Variants in TUBG1 observed in about 807,000 individuals in gnomAD.
TUBG1 encodes the protein tubulin gamma-1 chain.
Under a neutral mutation model 53.3 loss-of-function variants are expected in TUBG1, and 22 were observed. That is an observed-to-expected ratio of 0.41 (90% CI 0.29 to 0.59). TUBG1 has a LOEUF of 0.59. TUBG1 is among the 20% of genes least tolerant of loss of function. The probability of loss-of-function intolerance (pLI) is 0.26; values close to 1 mark genes in which losing one functional copy is unlikely to be tolerated. For synonymous variants in TUBG1, 198 were observed against 236.7 expected (o/e 0.84, Z 1.50); for missense variants, 217 against 598.9 (o/e 0.36, Z 6.66).
chr17:42,613,636 T>C lies in TUBG1; in HGVS notation c.607-11T>C, dbSNP rs1467789483. ...TCCCCATTGATCTGTGATCCTCTTC[T>C]GTCCCCCCAGGTGGTGCTGGACAAC... On this transcript the variant is annotated splice_polypyrimidine_tract_variant and intron_variant, in intron 6 of 10. Transcript: ENST00000251413. 2 of 1,614,152 alleles carry C rather than the reference T, an allele frequency of 1.2e-6. No individual in the cohort carries two copies. The highest frequency in any genetic ancestry group is 8.5e-7 in the Non-Finnish European group (1 of 1,180,030).
At chr17:42,612,000 T>C in intron 3 of TUBG1, 75 bp from the exon 4 acceptor site, 3 of 1,394,354 alleles carry the variant, frequency 2.2e-6, no homozygotes, top group Non-Finnish European at 3.1e-6. Context: ...ATAAGGAGAA[T>C]TGAGGGTGGC....
intron 1 of TUBG1, 38 bp downstream of exon 1, chr17:42,609,824 T>C (rs377611040): frequency 1.3e-6 from 2 of 1,546,238 alleles, no homozygotes; most frequent in Admixed American, 2.0e-5. Context: ...GCCAGGTTCC[T>C]TAGGGTCAAT....
In TUBG1 at chr17:42,614,445, C is replaced by G. The variant is rs2052060897; in HGVS notation, c.996+33C>G. 1 of 1,614,046 alleles carries G rather than the reference C, an allele frequency of 6.2e-7. No homozygotes were observed. The highest frequency in any genetic ancestry group is 1.7e-5 in the Admixed American group (1 of 60,004). ...AGGCCCCTTCATCCCACACCCTGGACCTGCAGGGGTAGAGGAGAGGCCACC... is the reference window on the plus strand; with the variant it reads ...AGGCCCCTTCATCCCACACCCTGGAGCTGCAGGGGTAGAGGAGAGGCCACC... On this transcript the variant is annotated intron_variant, in intron 9 of 10. Coordinates refer to ENST00000251413, the MANE Select transcript of TUBG1 (RefSeq NM_001070.5). The surrounding 1 kb of genome is among the most constrained non-coding windows in gnomAD (Gnocchi z 5.1).
Position 42,614,999 on chromosome 17 carries a change from C to T in TUBG1, c.1314C>T (p.Ala438=). The T allele has an allele frequency of 6.2e-7, 1 of 1,614,150 alleles. No homozygotes were observed. Residue 438 remains alanine, a synonymous_variant, in exon 11 of 11, where the codon GCC becomes GCT. Transcript: ENST00000251413. This position sits in a 1 kb window ranked among gnomAD's most constrained non-coding sequence, Gnocchi z 5.1. The stretch of plus-strand genomic sequence containing the variant: ...AGCTCATCGATGAGTACCATGCGGC[C>T]ACACGGCCAGACTACATCTCCTGGG... ...VQQLIDEYHA[A]TRPDYISWGT...
chr17:42,610,880 C>T (rs1227312997), intron 3 of TUBG1: 1 of 363,978 alleles, frequency 2.7e-6, no homozygotes, highest in African/African-American at 2.1e-5. Flanking sequence ...TCCAGAAAGC[C>T]ATGAAACCAA....
chr17:42,613,116 A>T lies in TUBG1; in HGVS notation c.606+43A>T, dbSNP rs757959507. 7 of 1,599,062 alleles carry T rather than the reference A, an allele frequency of 4.4e-6. No individual in the cohort carries two copies. The Admixed American group carries it at 1.2e-4, about 28-fold the overall frequency. The stretch of plus-strand genomic sequence containing the variant: ...CCTCTCCCAACTCTCAACACCCCAT[A>T]CCCACTCGAGTCTATTAAATCATTT... On this transcript the variant is annotated intron_variant, in intron 6 of 10. Transcript: ENST00000251413.
rs774825533 is a variant in TUBG1, at chr17:42,614,038, G to C, written c.843+40G>C. 2.5e-6 allele frequency: 4 copies of C among 1,613,810 alleles called. No individual in the cohort carries two copies. The Admixed American group carries it at 6.7e-5, about 27-fold the overall frequency. Reference sequence around the variant, plus strand: ...CAGTGTCCCAGGCCAGGCCGGCCCTGGGCCCAACAGGCCCTGTCCTAGCCT... The same window carrying C: ...CAGTGTCCCAGGCCAGGCCGGCCCTCGGCCCAACAGGCCCTGTCCTAGCCT... On this transcript the variant is annotated intron_variant, in intron 8 of 10. Coordinates refer to ENST00000251413, the MANE Select transcript of TUBG1 (RefSeq NM_001070.5). This position sits in a 1 kb window ranked among gnomAD's most constrained non-coding sequence, Gnocchi z 5.1.
Position 42,614,030 on chromosome 17 carries a change from C to G in TUBG1, c.843+32C>G. 1 of 1,613,980 alleles carries G rather than the reference C, an allele frequency of 6.2e-7. No homozygotes were observed. Among genetic ancestry groups the G allele is most frequent in the Non-Finnish European group, 8.5e-7 (1 of 1,179,926 alleles). ...GCAGCCTTCAGTGTCCCAGGCCAGG[C>G]CGGCCCTGGGCCCAACAGGCCCTGT... is the stretch of plus-strand genomic sequence containing the variant. On this transcript the variant is annotated intron_variant, in intron 8 of 10. Coordinates refer to ENST00000251413, the MANE Select transcript of TUBG1 (RefSeq NM_001070.5). The surrounding 1 kb of genome is among the most constrained non-coding windows in gnomAD (Gnocchi z 5.1).
Position 42,613,831 on chromosome 17 carries a change from T to C in TUBG1, c.694-18T>C, listed in dbSNP as rs1475897034. ...CCCACCCAGGCTGAGGCCCATAACA[T>C]GGCACGCCTGTCCCCAGGTGTCTAC... On this transcript the variant is annotated intron_variant, in intron 7 of 10. Coordinates refer to ENST00000251413, the MANE Select transcript of TUBG1 (RefSeq NM_001070.5). The C allele has an allele frequency of 6.2e-7, 1 of 1,614,048 alleles. No homozygotes were observed. The highest frequency in any genetic ancestry group is 1.3e-5 in the African/African-American group (1 of 75,002).
intron 3 of TUBG1, chr17:42,611,403 T>C (rs561833551): frequency 6.6e-6 from 1 of 152,400 alleles, no homozygotes; most frequent in African/African-American, 2.4e-5. Context: ...ATATATACCA[T>C]AATACCTTTC....
At chr17:42,610,654 C>G (rs1192605144) in intron 3 of TUBG1, 64 bp downstream of exon 3, 2 of 1,606,614 alleles carry the variant, frequency 1.2e-6, no homozygotes, top group Non-Finnish European at 1.7e-6. Flanking sequence ...TATGACGTCC[C>G]GAAGAGAGGG....
In TUBG1 at chr17:42,613,358, G is replaced by T. The variant is rs1371436691; in HGVS notation, c.606+285G>T. 2.0e-5 allele frequency among the ~76,000 whole-genome samples: 3 copies of T among 152,174 alleles called. No individual in the cohort carries two copies. The South Asian group carries it at 6.2e-4, about 32-fold the overall frequency. ...CACTTGTGCCTCAGAGGCAGGGGCT[G>T]CAGTGAGCTGAGATCATGTCACTGA... is the stretch of plus-strand genomic sequence containing the variant. On this transcript the variant is annotated intron_variant, in intron 6 of 10. Coordinates refer to ENST00000251413, the MANE Select transcript of TUBG1 (RefSeq NM_001070.5).
At position 42,615,080 on chromosome 17, in the gene TUBG1, G is replaced by T; in HGVS notation, c.*39G>T. ...GGGACCCTCATCTGCCTTACTGGTT[G>T]GCCCAAGCCCTGCCTGACTGACCAC... is the stretch of plus-strand genomic sequence containing the variant. On this transcript the variant is annotated 3_prime_UTR_variant, in exon 11 of 11. Transcript: ENST00000251413. 1.2e-6 allele frequency: 2 copies of T among 1,608,796 alleles called. No individual in the cohort carries two copies. Among genetic ancestry groups the T allele is most frequent in the Non-Finnish European group, 1.7e-6 (2 of 1,176,314 alleles).
intron 1 of TUBG1, 84 bp downstream of exon 1, chr17:42,609,870 C>T (rs1273205897): frequency 1.0e-5 from 15 of 1,490,132 alleles, no homozygotes; most frequent in South Asian, 5.2e-5. Flanking sequence ...TCCATCTGTC[C>T]TTGCCAGAAT....
intron 6 of TUBG1, among the ~76,000 whole-genome samples, 178 bp downstream of exon 6, chr17:42,613,251 A>G (rs2052050323): frequency 6.6e-6 from 1 of 152,112 alleles, no homozygotes; most frequent in Non-Finnish European, 1.5e-5. Context: ...GGAGTTCGAG[A>G]CCAGCCTGGG....
At position 42,609,736 on chromosome 17, in the gene TUBG1, C is replaced by G. The variant is rs1424759068; in HGVS notation, c.-2C>G. ...GGCTGCAACGCCGGTGCCTGAGGAG[C>G]GATGCCGAGGGAAATCATCACCCTA... On this transcript the variant is annotated 5_prime_UTR_variant, in exon 1 of 11. Coordinates refer to ENST00000251413, the MANE Select transcript of TUBG1 (RefSeq NM_001070.5). 2.6e-6 allele frequency: 4 copies of G among 1,550,110 alleles called. No individual in the cohort carries two copies. The highest frequency in any genetic ancestry group is 2.0e-5 in the Admixed American group (1 of 50,542).
chr17:42,614,900 G>C lies in TUBG1; in HGVS notation c.1215G>C (p.Leu405=), dbSNP rs1281214455. The change falls in exon 11 of 11, where the codon CTG becomes CTC. Residue 405 remains leucine, a synonymous_variant. Coordinates refer to ENST00000251413, the MANE Select transcript of TUBG1 (RefSeq NM_001070.5). The surrounding 1 kb of genome is among the most constrained non-coding windows in gnomAD (Gnocchi z 5.1). ...AGCTGCGTAAGCGGGAGGCCTTCCT[G>C]GAGCAGTTCCGCAAGGAGGACATGT... The part of the protein sequence containing the change: ...YDKLRKREAF[L]EQFRKEDMFK... 6.2e-7 allele frequency: 1 copy of C among 1,614,240 alleles called. No individual in the cohort carries two copies. The highest frequency in any genetic ancestry group is 1.1e-5 in the South Asian group (1 of 91,088).
intron 5 of TUBG1, 67 bp from the exon 6 acceptor site, chr17:42,612,880 G>A (rs1244060709): frequency 6.3e-7 from 1 of 1,598,568 alleles, no homozygotes. Flanking sequence ...CTGGACAGTT[G>A]TTAGGGAGCG....
intron 4 of TUBG1, 39 bp downstream of exon 4, chr17:42,612,182 C>A: frequency 8.1e-6 from 13 of 1,603,566 alleles, no homozygotes; most frequent in Non-Finnish European, 1.1e-5. Context: ...CCGACATGGG[C>A]AAGGCTTGGC....
Sources: allele counts gnomAD v4.1 joint callset (sites outside exome capture counted in the v4.1 genomes callset), GRCh38; gene constraint gnomAD v4.1.1; non-coding constraint Gnocchi (gnomAD v3.1); transcripts MANE v1.5; gene names NCBI Gene and HGNC (gene_info 2026-07-23, HGNC 2026-07-21).